Variants in STPG4 observed in about 807,000 individuals in gnomAD.
The protein encoded by STPG4 is protein STPG4.
STPG4 carries 41 observed loss-of-function variants against 31.5 expected under a neutral mutation model. That is an observed-to-expected ratio of 1.30 (90% CI 1.01 to 1.69). The LOEUF (loss-of-function observed/expected upper bound fraction) is 1.69. Among genes scored for constraint, STPG4 ranks in the 40% most tolerant of loss-of-function variants. The probability of loss-of-function intolerance (pLI) is 0.00; values close to 1 mark genes in which losing one functional copy is unlikely to be tolerated. For missense variants in STPG4, 375 were observed against 293.4 expected (o/e 1.28, Z -2.03); for synonymous variants, 141 against 103.0 (o/e 1.37, Z -2.24).
intron 5 of STPG4, among the ~76,000 whole-genome samples, chr2:47,127,711 A>G (rs1686393252): frequency 6.6e-6 from 1 of 152,148 alleles, no homozygotes; most frequent in African/African-American, 2.4e-5. Flanking sequence ...TGCTAAATTT[A>G]TCTGATAGAA....
chr2:47,142,494 G>A (rs1003852957), intron 3 of STPG4, among the ~76,000 whole-genome samples: 1 of 152,050 alleles, frequency 6.6e-6, no homozygotes, highest in Non-Finnish European at 1.5e-5. Flanking sequence ...AAGAAAACAA[G>A]AGAACAAAAA....
rs1459740799 is a variant in STPG4 at position 47,087,131 on chromosome 2, C to G, written c.625-1G>C. On this transcript the variant is annotated splice_acceptor_variant, in intron 6 of 6. Transcript: ENST00000445927. LOFTEE classifies it high-confidence loss of function. Reference sequence around the variant, plus strand: ...TATATGCTCCTGGGCCTGGGGTTTTCTGAAAACAGAGCAGAAAACAGGGAC... The same window carrying G: ...TATATGCTCCTGGGCCTGGGGTTTTGTGAAAACAGAGCAGAAAACAGGGAC... The G allele has an allele frequency of 6.4e-7, 1 of 1,551,642 alleles. No individual in the cohort carries two copies. The highest frequency in any genetic ancestry group is 8.7e-7 in the Non-Finnish European group (1 of 1,146,966).
At chr2:47,107,349 G>T (rs898866474) in intron 5 of STPG4, among the ~76,000 whole-genome samples, 1 of 152,182 alleles carries the variant, frequency 6.6e-6, no homozygotes, top group Admixed American at 6.5e-5. Flanking sequence ...GGGTGGGCAT[G>T]GGCTTGGTGG....
At chr2:47,150,175 A>T (rs1686906891) in intron 3 of STPG4, among the ~76,000 whole-genome samples, 1 of 152,238 alleles carries the variant, frequency 6.6e-6, no homozygotes, top group Non-Finnish European at 1.5e-5. Context: ...CCCATAGTAA[A>T]CCATTAAGAG....
intron 5 of STPG4, among the ~76,000 whole-genome samples, chr2:47,111,078 A>G (rs74805226): frequency 0.026 from 4,034 of 152,244 alleles, 185 homozygotes; most frequent in African/African-American, 0.092. Context: ...AGTAGAATTT[A>G]TGGGTGAAAA....
chr2:47,138,458 C>A (rs905199040), intron 3 of STPG4, among the ~76,000 whole-genome samples: 2 of 146,618 alleles, frequency 1.4e-5, no homozygotes, highest in Non-Finnish European at 3.0e-5. Flanking sequence ...GTGGTGTGAT[C>A]TCGGCTCACT....
At chr2:47,149,923 A>G (rs1686902515) in intron 3 of STPG4, among the ~76,000 whole-genome samples, 1 of 152,072 alleles carries the variant, frequency 6.6e-6, no homozygotes, top group Non-Finnish European at 1.5e-5. Flanking sequence ...GATTCCATCT[A>G]CCCAAACCCT....
intron 1 of STPG4, 121 bp from the exon 2 acceptor site, chr2:47,153,137 A>T: frequency 3.3e-6 from 2 of 603,370 alleles, no homozygotes; most frequent in Non-Finnish European, 5.7e-6. Flanking sequence ...TGTCTTCATT[A>T]AAATAAAAGC....
At chr2:47,136,042 G>A (rs934805516) in intron 3 of STPG4, among the ~76,000 whole-genome samples, 5 of 152,180 alleles carry the variant, frequency 3.3e-5, no homozygotes, top group East Asian at 1.9e-4. Flanking sequence ...TTATTATTGG[G>A]ATTGCATGGA....
intron 5 of STPG4, among the ~76,000 whole-genome samples, chr2:47,107,410 G>A (rs1206082438): frequency 6.6e-6 from 1 of 152,174 alleles, no homozygotes; most frequent in Non-Finnish European, 1.5e-5. Context: ...GGCAACGAGG[G>A]GCTTAGCACC....
chr2:47,113,902 C>T (rs1173651628), intron 5 of STPG4, among the ~76,000 whole-genome samples: 12 of 151,752 alleles, frequency 7.9e-5, no homozygotes, highest in African/African-American at 2.9e-4. Flanking sequence ...GGTGTGGTGG[C>T]GGGCGCCTGT....
chr2:47,111,064 T>C lies in STPG4; in HGVS notation c.519+18877A>G, dbSNP rs1405724809. ...AGATAATTACTTTAGGAGGGTTTTC[T>C]TAAAGTAGAATTTATGGGTGAAAAG... On this transcript the variant is annotated intron_variant, in intron 5 of 6. Transcript: ENST00000445927. Among the ~76,000 whole-genome samples, 8 of 152,224 alleles carry C rather than the reference T, an allele frequency of 5.3e-5. No individual in the cohort carries two copies. The East Asian group carries it at 1.5e-3, about 29-fold the overall frequency.
chr2:47,127,252 C>CTTTTTTTTTT lies in STPG4; in HGVS notation c.519+2679_519+2688dup, dbSNP rs57475505. On this transcript the variant is annotated intron_variant, in intron 5 of 6. Transcript: ENST00000445927. ...CAAATAGCTTGTCTTCAAGCTAATT[C>CTTTTTTTTTT]TTTTTTTTTTTTTTTTTTTTTTTTT... Among the ~76,000 whole-genome samples the CTTTTTTTTTT allele has an allele frequency of 4.0e-3, 232 of 57,472 alleles. 40 individuals are homozygous for CTTTTTTTTTT. The highest frequency in any genetic ancestry group is 6.3e-3 in the African/African-American group (61 of 9,674). The allele number at this position is 57,472 out of a possible 152,430, so 37.7% of individuals were successfully genotyped here. A position where few individuals can be genotyped will look rare whatever the true frequency, so the allele number is the denominator to read the frequency against.
chr2:47,101,537 G>A (rs1685800108), intron 5 of STPG4, among the ~76,000 whole-genome samples: 1 of 151,712 alleles, frequency 6.6e-6, no homozygotes, highest in Non-Finnish European at 1.5e-5. Context: ...TCTAAAAATT[G>A]CTACCTGTCT....
intron 3 of STPG4, among the ~76,000 whole-genome samples, chr2:47,150,228 A>G (rs543330238): frequency 3.9e-5 from 6 of 152,360 alleles, no homozygotes; most frequent in Admixed American, 1.3e-4. Flanking sequence ...GTTAAGTTCT[A>G]CGTAAGCCAC....
chr2:47,090,342 C>T lies in STPG4; in HGVS notation c.552G>A (p.Val184=). 1 of 1,552,028 alleles carries T rather than the reference C, an allele frequency of 6.4e-7. No homozygotes were observed. Among genetic ancestry groups the T allele is most frequent in the Non-Finnish European group, 8.7e-7 (1 of 1,146,966 alleles). ...TGACAGAGCTTGTTGGAGGCATTTT[C>T]ACATTATAATGACCTGGACCAGGGC... ...HEGPGPGHYN[V]KMPPTSSVTS... is the part of the protein sequence containing the mutation. The change falls in exon 6 of 7, where the codon GTG becomes GTA. Residue 184 remains valine (V), a synonymous_variant. Transcript: ENST00000445927.
chr2:47,120,121 A>C (rs1686236336), intron 5 of STPG4, among the ~76,000 whole-genome samples: 1 of 152,196 alleles, frequency 6.6e-6, no homozygotes, highest in Admixed American at 6.5e-5. Flanking sequence ...ACTTAAGGTC[A>C]GGAGGTCAAG....
At chr2:47,150,880 G>A (rs768229293) in intron 3 of STPG4, among the ~76,000 whole-genome samples, 3 of 151,958 alleles carry the variant, frequency 2.0e-5, no homozygotes, top group Non-Finnish European at 2.9e-5. Flanking sequence ...CTCTAATAAG[G>A]ATACTCCCCG....
chr2:47,093,392 C>G (rs948846689), intron 5 of STPG4, among the ~76,000 whole-genome samples: 1 of 152,148 alleles, frequency 6.6e-6, no homozygotes, highest in Non-Finnish European at 1.5e-5. Flanking sequence ...CTAATAAACA[C>G]AAAGAAGCAA....
Sources: gnomAD v4.1 joint callset for allele counts (sites outside exome capture counted in the v4.1 genomes callset) on GRCh38, gnomAD v4.1.1 for gene constraint, MANE v1.5 for transcripts, NCBI Gene and HGNC (gene_info 2026-07-23, HGNC 2026-07-21) for gene names.